Variants in SATL1 observed in about 807,000 individuals in gnomAD.
SATL1 encodes spermidine/spermine N(1)-acetyltransferase-like protein 1.
SATL1 carries 47 observed loss-of-function variants against 51.8 expected under a neutral mutation model. That is an observed-to-expected ratio of 0.91 (90% CI 0.72 to 1.16). The LOEUF (loss-of-function observed/expected upper bound fraction) is 1.16. SATL1 is among the 50% of genes most tolerant of loss of function. The probability of loss-of-function intolerance (pLI) is 0.00; values close to 1 mark genes in which losing one functional copy is unlikely to be tolerated. For missense variants in SATL1, 520 were observed against 526.4 expected, an observed-to-expected ratio of 0.99 and a Z score of 0.12; for synonymous variants, 176 against 182.4, an observed-to-expected ratio of 0.97 and a Z score of 0.28.
At chrX:85,188,956 C>T (rs1166096443) in intron 2 of SATL1, among the ~76,000 whole-genome samples, 1 of 111,473 alleles carries the variant, frequency 9.0e-6, no homozygotes, top group Non-Finnish European at 1.9e-5. Context: ...GCCAAATTGG[C>T]CACAATATTC....
At position 85,220,592 on chromosome X, in the gene SATL1, G is replaced by A. The variant is rs1338951726; in HGVS notation, c.-313+3613C>T. 3.4e-5 allele frequency among the ~76,000 whole-genome samples: 3 copies of A among 88,369 alleles called. No individual in the cohort carries two copies. In the East Asian group the frequency reaches 1.2e-3, roughly 35 times the overall value. 76.7% of individuals were successfully genotyped at this position (88,369 alleles called of 115,157 possible). Reference sequence around the variant, plus strand: ...CCACAGCAGCATAGGGCACCGATCAGAGTCATAAGGACCCTGTTCCAGGCC... The same window carrying A: ...CCACAGCAGCATAGGGCACCGATCAAAGTCATAAGGACCCTGTTCCAGGCC... On this transcript the variant is annotated intron_variant, in intron 2 of 7. Transcript: ENST00000644105.
intron 2 of SATL1, among the ~76,000 whole-genome samples, chrX:85,222,868 A>C (rs1176726830): frequency 8.9e-6 from 1 of 111,887 alleles, no homozygotes; most frequent in East Asian, 2.8e-4. Flanking sequence ...ACTAGGAGAG[A>C]ATCTTTTTAC....
At chrX:85,219,349 C>T (rs17278366) in intron 2 of SATL1, 14,542 of 111,650 alleles carry the variant, frequency 0.13, 732 homozygotes, top group South Asian at 0.17. Context: ...CTTATCTCTT[C>T]ATACCTTGAA....
In SATL1 at chrX:85,146,633, T is replaced by C. The variant is rs181459245; in HGVS notation, c.-312-37353A>G. On this transcript the variant is annotated intron_variant, in intron 2 of 7. Transcript: ENST00000644105. Reference sequence around the variant, plus strand: ...GTGAATAAGTGGGGACTACTGTTTATTGGAATAACACATACTAGGAGTACC... The same window carrying C: ...GTGAATAAGTGGGGACTACTGTTTACTGGAATAACACATACTAGGAGTACC... Among the ~76,000 whole-genome samples the C allele has an allele frequency of 8.0e-5, 9 of 112,418 alleles. No individual in the cohort carries two copies. The East Asian group carries it at 2.5e-3, about 32-fold the overall frequency.
chrX:85,149,846 C>T (rs1926373275), intron 2 of SATL1, among the ~76,000 whole-genome samples: 1 of 111,234 alleles, frequency 9.0e-6, no homozygotes, highest in Non-Finnish European at 1.9e-5. Context: ...GCACTAAATG[C>T]CCACAAGAGA....
chrX:85,093,077 G>A, intron 7 of SATL1, 108 bp downstream of exon 7: 1 of 760,828 alleles, frequency 1.3e-6, no homozygotes, highest in South Asian at 2.8e-5. Flanking sequence ...TGAAGTATAT[G>A]TTGGGGTTAT....
At chrX:85,216,530 C>G (rs1290209407) in intron 2 of SATL1, among the ~76,000 whole-genome samples, 1 of 111,070 alleles carries the variant, frequency 9.0e-6, no homozygotes, top group Non-Finnish European at 1.9e-5. Context: ...TCTTTCCTAC[C>G]CTTTTCCTTG....
At chrX:85,191,011 C>T (rs550258881) in intron 2 of SATL1, among the ~76,000 whole-genome samples, 1 of 107,027 alleles carries the variant, frequency 9.3e-6, no homozygotes, top group South Asian at 4.4e-4. Flanking sequence ...GGAGATATAC[C>T]TAATGTAAAT....
At chrX:85,170,856 A>G (rs930202293) in intron 2 of SATL1, among the ~76,000 whole-genome samples, 1 of 111,920 alleles carries the variant, frequency 8.9e-6, no homozygotes, top group African/African-American at 3.2e-5. Flanking sequence ...TTTTTCTTCC[A>G]GTTATTAACA....
chrX:85,183,403 G>A (rs1251378488), intron 2 of SATL1, among the ~76,000 whole-genome samples: 2 of 108,853 alleles, frequency 1.8e-5, no homozygotes, highest in Admixed American at 2.0e-4. Flanking sequence ...TAATTTCTGG[G>A]CTCTCTTTTC....
chrX:85,155,341 T>C (rs1450715257), intron 2 of SATL1, among the ~76,000 whole-genome samples: 25 of 111,114 alleles, frequency 2.2e-4, no homozygotes, highest in Admixed American at 4.8e-4. Flanking sequence ...AACACTGGAT[T>C]TGTATTCCAA....
intron 2 of SATL1, among the ~76,000 whole-genome samples, chrX:85,149,826 G>C (rs1216656052): frequency 1.9e-5 from 2 of 105,841 alleles, no homozygotes; most frequent in African/African-American, 3.4e-5. Flanking sequence ...TATGTAGAGG[G>C]AAATTTATAG....
At chrX:85,133,497 A>G (rs1338920064) in intron 2 of SATL1, among the ~76,000 whole-genome samples, 1 of 112,004 alleles carries the variant, frequency 8.9e-6, no homozygotes, top group Non-Finnish European at 1.9e-5. Context: ...ATTTGCTAAG[A>G]CCATTGGAAA....
At chrX:85,193,992 G>A (rs964062005) in intron 2 of SATL1, among the ~76,000 whole-genome samples, 1 of 111,684 alleles carries the variant, frequency 9.0e-6, no homozygotes, top group Non-Finnish European at 1.9e-5. Flanking sequence ...GTGTGCATGG[G>A]TCTTTATGGT....
chrX:85,235,187 C>T (rs765163915), intron 1 of SATL1, among the ~76,000 whole-genome samples: 1 of 110,348 alleles, frequency 9.1e-6, no homozygotes, highest in Non-Finnish European at 1.9e-5. Context: ...TATGTGCAAC[C>T]AACACTACAG....
intron 2 of SATL1, among the ~76,000 whole-genome samples, chrX:85,201,316 A>G (rs1423404624): frequency 1.8e-5 from 2 of 111,490 alleles, no homozygotes; most frequent in African/African-American, 6.5e-5. Context: ...TTAATTAACA[A>G]TAATTTTAAT....
chrX:85,092,783 A>G (rs1924565684), intron 7 of SATL1: 4 of 360,156 alleles, frequency 1.1e-5, no homozygotes, highest in Non-Finnish European at 1.9e-5. Context: ...TGATTTGCAA[A>G]GCCTTTATCA....
intron 2 of SATL1, among the ~76,000 whole-genome samples, chrX:85,174,163 C>T (rs1052738357): frequency 9.1e-6 from 1 of 109,981 alleles, no homozygotes; most frequent in African/African-American, 3.3e-5. Context: ...TTTCTTAATC[C>T]ATTCTATCAT....
chrX:85,172,623 T>C (rs764410718), intron 2 of SATL1, among the ~76,000 whole-genome samples: 1 of 111,364 alleles, frequency 9.0e-6, no homozygotes, highest in Non-Finnish European at 1.9e-5. Context: ...TTAGGGCTCA[T>C]ATAGGCACGT....
Sources: gnomAD v4.1 joint callset for allele counts (sites outside exome capture counted in the v4.1 genomes callset) on GRCh38, gnomAD v4.1.1 for gene constraint, MANE v1.5 for transcripts, NCBI Gene and HGNC (gene_info 2026-07-23, HGNC 2026-07-21) for gene names.